The following SGK3 variants were observed in gnomAD, a reference collection of about 807,000 sequenced individuals.
SGK3 encodes the protein serine/threonine-protein kinase Sgk3.
A neutral mutation model predicts 68.5 loss-of-function variants in SGK3; 47 were observed. The observed-to-expected ratio is 0.69, with a 90% CI of 0.54 to 0.87. The LOEUF is 0.87. SGK3 is among the 40% of genes least tolerant of loss of function. The probability of loss-of-function intolerance (pLI) is 0.00; values close to 1 mark genes in which losing one functional copy is unlikely to be tolerated. For missense variants in SGK3, 479 were observed against 575.5 expected, an observed-to-expected ratio of 0.83 and a Z score of 1.72; for synonymous variants, 181 against 189.1, an observed-to-expected ratio of 0.96 and a Z score of 0.35.
At position 66,723,090 on chromosome 8, in the gene SGK3, CATATATATATATATATATATATATAT is replaced by C. The variant is rs1168038766; in HGVS notation, c.-122+10274_-122+10299del. On this transcript the variant is annotated intron_variant, in intron 1 of 16. Coordinates refer to ENST00000521198, the MANE Select transcript of SGK3 (RefSeq NM_001033578.3). ...AAACATTCAGAAGTAAGATTTTGTT[CATATATATATATATATATATATATAT>C]ATATATATATATATATTTTTTTTTT... 4.1e-3 allele frequency among the ~76,000 whole-genome samples: 87 copies of C among 21,278 alleles called. 1 individual carries two copies. The highest frequency in any genetic ancestry group is 0.05 in the Middle Eastern group (1 of 20). 14.0% of individuals were successfully genotyped at this position (21,278 alleles called of 152,430 possible).
intron 1 of SGK3, among the ~76,000 whole-genome samples, chr8:66,728,789 G>A (rs903856204): frequency 1.3e-5 from 2 of 152,170 alleles, no homozygotes; most frequent in Middle Eastern, 3.4e-3. Context: ...GTGTGGTGGT[G>A]TGTACCTATA....
At chr8:66,715,581 A>C (rs537041317) in intron 1 of SGK3, among the ~76,000 whole-genome samples, 1 of 152,342 alleles carries the variant, frequency 6.6e-6, no homozygotes, top group East Asian at 1.9e-4. Flanking sequence ...TAAACTACTT[A>C]GATTTATGAT....
Position 66,809,581 on chromosome 8 carries a change from C to T in SGK3, c.254-4272C>T, listed in dbSNP as rs139677481. ...ACCTTATGAAATGCTGTAGAGGTTA[C>T]GAGAGTAAATTTATTCGCCAAATCA... is the stretch of plus-strand genomic sequence containing the variant. On this transcript the variant is annotated intron_variant, in intron 4 of 16. Transcript: ENST00000521198. Among the ~76,000 whole-genome samples, 170 of 151,924 alleles carry T rather than the reference C, an allele frequency of 1.1e-3. 3 individuals are homozygous for T. The South Asian group carries it at 0.016, about 14-fold the overall frequency.
intron 1 of SGK3, chr8:66,767,626 C>G: frequency 7.3e-7 from 1 of 1,370,504 alleles, no homozygotes; most frequent in African/African-American, 1.4e-5. Context: ...CAGGTCAAAA[C>G]TCTCGAAGCC....
rs1337468444 is a variant in SGK3, at chr8:66,846,183, T to C, written c.1075-1010T>C. ...AATGTTTCTGGTGCTCTGGACACAT[T>C]AATTCAAAAGGAAGTAGTTTTGTAG... On this transcript the variant is annotated intron_variant, in intron 14 of 16. Coordinates refer to ENST00000521198, the MANE Select transcript of SGK3 (RefSeq NM_001033578.3). 3.9e-5 allele frequency among the ~76,000 whole-genome samples: 6 copies of C among 152,292 alleles called. No homozygotes were observed. In the East Asian group the frequency reaches 1.2e-3, roughly 29 times the overall value.
In SGK3 at chr8:66,798,047, A is replaced by G. The variant is rs185629275; in HGVS notation, c.97-495A>G. ...TTCCAAGTCATGATCTCGCTTTGAC[A>G]CTCAGGCTGGAGTACAGTGGTGTGA... On this transcript the variant is annotated intron_variant, in intron 2 of 16. Transcript: ENST00000521198. 3.3e-3 allele frequency among the ~76,000 whole-genome samples: 501 copies of G among 151,718 alleles called. 1 individual carries two copies. Among genetic ancestry groups the G allele is most frequent in the Admixed American group, 3.6e-3 (54 of 15,184 alleles).
chr8:66,738,560 A>T (rs1224514942), intron 1 of SGK3, among the ~76,000 whole-genome samples: 1 of 152,068 alleles, frequency 6.6e-6, no homozygotes, highest in Non-Finnish European at 1.5e-5. Context: ...GACTATTCTA[A>T]TGAACCCCAC....
At chr8:66,846,922 C>T (rs1810047167) in intron 14 of SGK3, among the ~76,000 whole-genome samples, 1 of 152,138 alleles carries the variant, frequency 6.6e-6, no homozygotes, top group Non-Finnish European at 1.5e-5. Context: ...AAAACAGGTA[C>T]TACTACAAGT....
chr8:66,811,264 T>G (rs1162320825), intron 4 of SGK3, among the ~76,000 whole-genome samples: 1 of 152,164 alleles, frequency 6.6e-6, no homozygotes, highest in Non-Finnish European at 1.5e-5. Context: ...GTGATTCTTT[T>G]ACCTAGGCCT....
chr8:66,847,048 G>A, intron 14 of SGK3, 145 bp from the exon 15 acceptor site: 1 of 1,154,038 alleles, frequency 8.7e-7, no homozygotes, highest in Non-Finnish European at 1.2e-6. Flanking sequence ...CTTTGCTTCA[G>A]GAAGCCACAC....
intron 16 of SGK3, among the ~76,000 whole-genome samples, chr8:66,858,959 AGC>A (rs1563664598): frequency 6.6e-6 from 1 of 152,178 alleles, no homozygotes; most frequent in Non-Finnish European, 1.5e-5. Flanking sequence ...AAAGCAGAAA[AGC>A]GTTTCAAGGG....
intron 16 of SGK3, among the ~76,000 whole-genome samples, chr8:66,853,563 G>A (rs1321539167): frequency 6.6e-6 from 1 of 152,168 alleles, no homozygotes; most frequent in Non-Finnish European, 1.5e-5. Flanking sequence ...GTTTCTAGCA[G>A]TTACTGAGAA....
intron 10 of SGK3, among the ~76,000 whole-genome samples, chr8:66,837,339 C>T (rs1032071332): frequency 1.3e-5 from 2 of 152,134 alleles, no homozygotes; most frequent in African/African-American, 4.8e-5. Context: ...CAGAAAATGA[C>T]TATTTCAGCA....
At chr8:66,779,561 AATATATATATATATATATATAT>A (rs200618083) in intron 1 of SGK3, among the ~76,000 whole-genome samples, 1,673 of 89,392 alleles carry the variant, frequency 0.019, 43 homozygotes, top group Admixed American at 0.028. Flanking sequence ...TATGTGTGTG[AATATATATATATATATATATAT>A]ATATATATAT....
intron 14 of SGK3, among the ~76,000 whole-genome samples, chr8:66,844,378 A>C (rs1809923261): frequency 6.6e-6 from 1 of 152,192 alleles, no homozygotes; most frequent in South Asian, 2.1e-4. Flanking sequence ...TCTTGAAAAA[A>C]GTGATGTTTA....
intron 1 of SGK3, among the ~76,000 whole-genome samples, chr8:66,757,927 G>GTA (rs371749099): frequency 0.13 from 17,215 of 134,046 alleles, 1,176 homozygotes; most frequent in East Asian, 0.26. Context: ...AAAAAAAAGT[G>GTA]TATATATATA....
At position 66,735,489 on chromosome 8, in the gene SGK3, A is replaced by G. The variant is rs141354675; in HGVS notation, c.-122+22656A>G. ...AAATTATAAAGCTTGGGTCCCCTGG[A>G]GAAGGTTTCTGGGTAAGTGATTGTG... On this transcript the variant is annotated intron_variant, in intron 1 of 16. Coordinates refer to ENST00000521198, the MANE Select transcript of SGK3 (RefSeq NM_001033578.3). 1.1e-3 allele frequency among the ~76,000 whole-genome samples: 169 copies of G among 152,304 alleles called. 3 individuals carry two copies. In the South Asian group the frequency reaches 0.016, roughly 15 times the overall value.
intron 5 of SGK3, among the ~76,000 whole-genome samples, chr8:66,821,633 C>T (rs1474326916): frequency 1.3e-5 from 2 of 151,690 alleles, no homozygotes; most frequent in Non-Finnish European, 1.5e-5. Flanking sequence ...CTGCCTCAGC[C>T]TCCCCAGTAG....
intron 3 of SGK3, among the ~76,000 whole-genome samples, chr8:66,800,606 C>T (rs1422675291): frequency 1.3e-5 from 2 of 151,976 alleles, no homozygotes; most frequent in Non-Finnish European, 2.9e-5. Context: ...ATAAATCAAA[C>T]AATGTCTAGC....
Sources: allele counts gnomAD v4.1 joint callset (sites outside exome capture counted in the v4.1 genomes callset), GRCh38; gene constraint gnomAD v4.1.1; transcripts MANE v1.5; gene names NCBI Gene and HGNC (gene_info 2026-07-23, HGNC 2026-07-21).